Variants in SLC9C2 observed in about 807,000 individuals in gnomAD.
SLC9C2 encodes the protein sodium/hydrogen exchanger 11.
A neutral mutation model predicts 140.2 loss-of-function variants in SLC9C2; 75 were observed. That is an observed-to-expected ratio of 0.53 (90% CI 0.44 to 0.65). The LOEUF is 0.65. Ranked by LOEUF, SLC9C2 falls within the 30% of genes least tolerant of loss-of-function variation. The probability of loss-of-function intolerance (pLI) is 0.00; values close to 1 mark genes in which losing one functional copy is unlikely to be tolerated. For missense variants in SLC9C2, 1,074 were observed against 1,331.8 expected, an observed-to-expected ratio of 0.81 and a Z score of 3.01; for synonymous variants, 375 against 420.9, an observed-to-expected ratio of 0.89 and a Z score of 1.34.
chr1:173,523,985 A>G lies in SLC9C2; in HGVS notation c.2624T>C (p.Leu875Pro). 1 of 1,611,670 alleles carries G rather than the reference A, an allele frequency of 6.2e-7. No individual in the cohort carries two copies. The highest frequency in any genetic ancestry group is 2.2e-5 in the East Asian group (1 of 44,840). ...AATCTTTACCTTGAAGAAGTCAATGAGAACATCTTTACCTTCCAGCCAAAT... is the reference window on the plus strand; with the variant it reads ...AATCTTTACCTTGAAGAAGTCAATGGGAACATCTTTACCTTCCAGCCAAAT... ...NIIWLEGKDV[L>P]IDFFKERAKL... Residue 875 changes from leucine to proline, a missense_variant, in exon 21 of 28, where the codon CTC becomes CCC. Transcript: ENST00000367714.
chr1:173,533,903 C>G, intron 16 of SLC9C2, 106 bp from the exon 17 acceptor site: 3 of 1,229,220 alleles, frequency 2.4e-6, no homozygotes, highest in Non-Finnish European at 3.2e-6. Context: ...GAGTTATATT[C>G]CGAAAGTTGA....
chr1:173,538,442 A>G (rs1662131208), intron 13 of SLC9C2, among the ~76,000 whole-genome samples: 1 of 148,554 alleles, frequency 6.7e-6, no homozygotes, highest in Admixed American at 6.6e-5. Flanking sequence ...ACAAATGTTT[A>G]TTAAATGCCT....
intron 24 of SLC9C2, among the ~76,000 whole-genome samples, chr1:173,507,677 C>T (rs1373985255): frequency 1.3e-5 from 2 of 152,044 alleles, no homozygotes; most frequent in Admixed American, 6.5e-5. Context: ...AACTAGTGTC[C>T]TTATAAAAAG....
intron 9 of SLC9C2, among the ~76,000 whole-genome samples, chr1:173,569,254 A>G (rs1374030713): frequency 2.6e-5 from 4 of 151,734 alleles, no homozygotes; most frequent in African/African-American, 9.7e-5. Flanking sequence ...CTTCTGCTTG[A>G]TCAATTCTGC....
chr1:173,555,732 G>C (rs956048552), intron 10 of SLC9C2, among the ~76,000 whole-genome samples: 3 of 152,126 alleles, frequency 2.0e-5, no homozygotes, highest in African/African-American at 7.2e-5. Context: ...CTGGTTATTT[G>C]AACTCAAAAT....
At chr1:173,514,202 C>T (rs1167092568) in intron 23 of SLC9C2, among the ~76,000 whole-genome samples, 4 of 152,162 alleles carry the variant, frequency 2.6e-5, no homozygotes, top group African/African-American at 9.7e-5. Context: ...GAGTTCAGGT[C>T]CTGAATATGC....
Position 173,505,307 on chromosome 1 carries a change from T to G in SLC9C2, c.3250A>C (p.Lys1084Gln). Residue 1084 changes from lysine to glutamine, a missense_variant, in exon 26 of 28, where the codon AAG becomes CAG. Coordinates refer to ENST00000367714, the MANE Select transcript of SLC9C2 (RefSeq NM_178527.4). ...TCAGATGCTTGGATTATCAGCAGCT[T>G]GCTTAAATCAGAAGTTCCCTGAACC... ...EQVQGTSDLS[K>Q]LLIIQASELT... The G allele has an allele frequency of 1.2e-6, 2 of 1,614,118 alleles. No individual in the cohort carries two copies. Among genetic ancestry groups the G allele is most frequent in the African/African-American group, 1.3e-5 (1 of 75,058 alleles).
intron 4 of SLC9C2, chr1:173,596,729 A>G (rs1666471492): frequency 6.6e-6 from 1 of 152,160 alleles, no homozygotes; most frequent in Non-Finnish European, 1.5e-5. Context: ...AGATACCAAA[A>G]TGTTGAAAAC....
chr1:173,503,242 T>G (rs771711466), intron 27 of SLC9C2, 24 bp downstream of exon 27: 1 of 1,598,540 alleles, frequency 6.3e-7, no homozygotes, highest in South Asian at 1.1e-5. Context: ...GAAAAAATTC[T>G]AATCAAAGTG....
chr1:173,503,412 T>C (rs10912625), intron 26 of SLC9C2, 86 bp from the exon 27 acceptor site: 284,456 of 1,223,834 alleles, frequency 0.23, 40,513 homozygotes, highest in East Asian at 0.65. Flanking sequence ...AATATCTATT[T>C]GCTTTCTCCC....
At chr1:173,566,624 C>A (rs1664489436) in intron 9 of SLC9C2, among the ~76,000 whole-genome samples, 1 of 151,852 alleles carries the variant, frequency 6.6e-6, no homozygotes, top group African/African-American at 2.4e-5. Context: ...TTTCAAAAAA[C>A]CAACTTTTTG....
intron 22 of SLC9C2, among the ~76,000 whole-genome samples, chr1:173,518,023 G>C (rs542809576): frequency 2.4e-3 from 363 of 152,292 alleles, no homozygotes; most frequent in Non-Finnish European, 4.5e-3. Flanking sequence ...CACTTTGGGA[G>C]GCCAAGGCGG....
Position 173,569,809 on chromosome 1 carries a change from G to C in SLC9C2, c.1046+3373C>G, listed in dbSNP as rs143870869. On this transcript the variant is annotated intron_variant, in intron 9 of 27. Coordinates refer to ENST00000367714, the MANE Select transcript of SLC9C2 (RefSeq NM_178527.4). ...AAAAAGAAATAAAAAATAAAAAGTAGTATGAAAAGCCTTAGAAATCTGCCT... is the reference window on the plus strand; with the variant it reads ...AAAAAGAAATAAAAAATAAAAAGTACTATGAAAAGCCTTAGAAATCTGCCT... Among the ~76,000 whole-genome samples, 265 of 152,242 alleles carry C rather than the reference G, an allele frequency of 1.7e-3. 4 individuals are homozygous for C. Among genetic ancestry groups the C allele is most frequent in the African/African-American group, 5.9e-3 (246 of 41,546 alleles).
chr1:173,597,287 A>G lies in SLC9C2; in HGVS notation c.357+617T>C, dbSNP rs994834782. Among the ~76,000 whole-genome samples the G allele has an allele frequency of 5.3e-5, 8 of 152,222 alleles. No individual in the cohort carries two copies. The South Asian group carries it at 1.7e-3, about 32-fold the overall frequency. ...AATAACTAATGGGTCAAAAAGTATA[A>G]GAAAATGTAGAACTGGATGGTGATG... On this transcript the variant is annotated intron_variant, in intron 4 of 27. Coordinates refer to ENST00000367714, the MANE Select transcript of SLC9C2 (RefSeq NM_178527.4).
intron 23 of SLC9C2, among the ~76,000 whole-genome samples, chr1:173,513,948 T>C (rs1571438331): frequency 6.6e-6 from 1 of 152,260 alleles, no homozygotes. Context: ...TCAATTTCCA[T>C]GTAGTTCAAT....
intron 23 of SLC9C2, among the ~76,000 whole-genome samples, chr1:173,510,881 T>C (rs1197128695): frequency 1.3e-5 from 2 of 152,138 alleles, no homozygotes; most frequent in African/African-American, 4.8e-5. Context: ...AAATGGTATT[T>C]CTGGTTCTAG....
chr1:173,585,506 A>T (rs1047983731), intron 5 of SLC9C2, among the ~76,000 whole-genome samples: 4 of 152,224 alleles, frequency 2.6e-5, no homozygotes, highest in African/African-American at 9.6e-5. Flanking sequence ...GCCAACACCC[A>T]AAACAAGTGA....
In SLC9C2 at chr1:173,557,362, C is replaced by T. The variant is rs528983665; in HGVS notation, c.1193G>A (p.Arg398Gln). 13 of 1,612,272 alleles carry T rather than the reference C, an allele frequency of 8.1e-6. No homozygotes were observed. Among genetic ancestry groups the T allele is most frequent in the Middle Eastern group, 1.7e-4 (1 of 6,054 alleles). Residue 398 changes from arginine (R) to glutamine (Q), a missense_variant, in exon 10 of 28, where the codon CGA (arginine) becomes CAA (glutamine). By Grantham distance (43) the Arg-to-Gln change is conservative. Transcript: ENST00000367714. ...WAPDVYNLAE[R>Q]KVEVPQMFIL... is the part of the protein sequence containing the mutation. ...TACCATTTGTGGTACTTCCACTTTT[C>T]GTTCAGCGAGATTATAAACATCAGG...
intron 4 of SLC9C2, chr1:173,596,396 T>C (rs1454094396): frequency 1.3e-5 from 2 of 152,160 alleles, no homozygotes; most frequent in Non-Finnish European, 2.9e-5. Flanking sequence ...TCACCAACAA[T>C]GTATGCAAGT....
Sources: allele counts gnomAD v4.1 joint callset (sites outside exome capture counted in the v4.1 genomes callset), GRCh38; gene constraint gnomAD v4.1.1; transcripts MANE v1.5; gene names NCBI Gene and HGNC (gene_info 2026-07-23, HGNC 2026-07-21).